The following TRIM49 variants were observed in gnomAD, a reference collection of about 807,000 sequenced individuals.
TRIM49 encodes tripartite motif containing 49, also known as tripartite motif-containing protein 49.
In TRIM49, 5 loss-of-function variants were observed where a neutral mutation model predicts 27.4. That is an observed-to-expected ratio of 0.18 (90% CI 0.10 to 0.38). The LOEUF (loss-of-function observed/expected upper bound fraction) is 0.38. TRIM49 is among the 10% of genes least tolerant of loss of function. The probability of loss-of-function intolerance (pLI) is 1.00; values close to 1 mark genes in which losing one functional copy is unlikely to be tolerated. For synonymous variants in TRIM49, 69 were observed against 166.0 expected (o/e 0.42, Z 4.49); for missense variants, 188 against 487.5 (o/e 0.39, Z 5.79).
chr11:89,786,714 C>CAG, the TRIM49 span: 1 of 136,466 alleles, frequency 7.3e-6, no homozygotes, highest in Non-Finnish European at 1.5e-5. Flanking sequence ...TGAAGACCAG[C>CAG]AGAGTCCCAG....
the TRIM49 span, among the ~76,000 whole-genome samples, chr11:89,779,990 A>G: frequency 1.0e-5 from 1 of 100,424 alleles, no homozygotes; most frequent in Non-Finnish European, 2.2e-5. Flanking sequence ...CATACCCCAC[A>G]GATCTTAATA....
the TRIM49 span, among the ~76,000 whole-genome samples, chr11:89,783,001 G>A: frequency 7.6e-6 from 1 of 131,828 alleles, no homozygotes; most frequent in Admixed American, 7.7e-5. Context: ...ATAAAGAAGT[G>A]TGCTTATTTT....
At chr11:89,776,941 G>A in the TRIM49 span, 2 of 1,517,896 alleles carry the variant, frequency 1.3e-6, no homozygotes, top group Non-Finnish European at 1.8e-6. Flanking sequence ...AAAAATAAGA[G>A]AAAGAAATTC....
In TRIM49 at chr11:89,798,159, T is replaced by C; in HGVS notation, c.1330A>G (p.Arg444Gly). 6.8e-7 allele frequency: 1 copy of C among 1,475,404 alleles called. No homozygotes were observed. Among genetic ancestry groups the C allele is most frequent in the South Asian group, 1.2e-5 (1 of 84,230 alleles). The allele number at this position is 1,475,404 out of a possible 1,614,324, so 91.4% of individuals were successfully genotyped here. ...IPNCSFSPPLRPIFCCIHF is the reference protein window; with the variant it reads ...IPNCSFSPPLGPIFCCIHF ...AAGTGAATACAGCAAAAGATAGGCC[T>C]GAGAGGAGGTGAGAAAGAGCAATTA... is the stretch of plus-strand genomic sequence containing the variant. The change falls in exon 8 of 8, where the codon AGG becomes GGG. Residue 444 changes from arginine to glycine, a missense_variant. Around this residue, in one of 6 missense-constraint regions of TRIM49, gnomAD observed 10 missense variants for 49.9 expected, o/e 0.20. Coordinates refer to ENST00000329758, the MANE Select transcript of TRIM49 (RefSeq NM_020358.2).
chr11:89,796,153 T>G (rs1183843354), downstream of TRIM49, among the ~76,000 whole-genome samples: 1 of 152,052 alleles, frequency 6.6e-6, no homozygotes, highest in Non-Finnish European at 1.5e-5. Context: ...CCCAGCTTTC[T>G]CAGTTATTTT....
downstream of TRIM49, among the ~76,000 whole-genome samples, chr11:89,793,867 A>G (rs1429184699): frequency 6.6e-6 from 1 of 151,974 alleles, no homozygotes; most frequent in Non-Finnish European, 1.5e-5. Flanking sequence ...TATCCAACAC[A>G]GTTTTGGAAG....
At chr11:89,789,764 A>G in the TRIM49 span, 3 of 152,020 alleles carry the variant, frequency 2.0e-5, no homozygotes, top group Non-Finnish European at 2.9e-5. Context: ...AAATCATTTA[A>G]AAATCAAACT....
At chr11:89,767,669 C>T in the TRIM49 span, among the ~76,000 whole-genome samples, 1 of 125,872 alleles carries the variant, frequency 7.9e-6, no homozygotes, top group Non-Finnish European at 1.5e-5. Flanking sequence ...AAGGCCTCAT[C>T]AACCACCAAA....
At chr11:89,791,722 C>G in the TRIM49 span, among the ~76,000 whole-genome samples, 1 of 152,168 alleles carries the variant, frequency 6.6e-6, no homozygotes. Context: ...CAGGCCTGCC[C>G]TAAAAGAGCT....
the TRIM49 span, among the ~76,000 whole-genome samples, chr11:89,784,632 G>C: frequency 7.1e-6 from 1 of 140,376 alleles, no homozygotes; most frequent in East Asian, 2.2e-4. Context: ...TCCTTTTTTT[G>C]ATTTTCTCCT....
chr11:89,777,575 G>C, the TRIM49 span, among the ~76,000 whole-genome samples: 1 of 145,302 alleles, frequency 6.9e-6, no homozygotes, highest in Non-Finnish European at 1.5e-5. Context: ...GCTGTGTTGA[G>C]ACTTCGCTAA....
the TRIM49 span, among the ~76,000 whole-genome samples, chr11:89,783,836 C>T: frequency 9.0e-5 from 13 of 144,128 alleles, no homozygotes; most frequent in Non-Finnish European, 1.6e-4. Context: ...ATTTCTCTCA[C>T]ATGTTTGTAC....
At chr11:89,772,230 T>C in the TRIM49 span, among the ~76,000 whole-genome samples, 1 of 138,210 alleles carries the variant, frequency 7.2e-6, no homozygotes, top group East Asian at 2.0e-4. Flanking sequence ...CTAACTTTAT[T>C]GTAAAAATAC....
At chr11:89,777,532 A>G in the TRIM49 span, 3 of 1,272,092 alleles carry the variant, frequency 2.4e-6, no homozygotes, top group East Asian at 2.6e-5. Flanking sequence ...GTGTCCTTTC[A>G]ATGTTGCTGG....
intron 1 of TRIM49, among the ~76,000 whole-genome samples, chr11:89,808,201 T>C (rs566919287): frequency 7.5e-6 from 1 of 133,968 alleles, no homozygotes; most frequent in East Asian, 2.2e-4. Context: ...TTTTTGTTGT[T>C]ATATGAAAAT....
chr11:89,787,517 C>T, the TRIM49 span: 14 of 515,260 alleles, frequency 2.7e-5, no homozygotes, highest in African/African-American at 1.9e-4. Flanking sequence ...CGGCCTCCCA[C>T]CTGCCCCGCT....
chr11:89,793,188 A>C (rs1431987816), downstream of TRIM49, among the ~76,000 whole-genome samples: 25 of 152,170 alleles, frequency 1.6e-4, no homozygotes, highest in Non-Finnish European at 2.9e-4. Context: ...ACCAGGAAGA[A>C]GTTGAATCCC....
the TRIM49 span, chr11:89,768,051 T>C: frequency 2.1e-6 from 1 of 485,070 alleles, no homozygotes; most frequent in South Asian, 2.2e-5. Context: ...TTGAGGATAG[T>C]GAAACTATAA....
At chr11:89,790,385 G>A in the TRIM49 span, among the ~76,000 whole-genome samples, 8 of 149,366 alleles carry the variant, frequency 5.4e-5, no homozygotes, top group Non-Finnish European at 1.5e-5. Flanking sequence ...AAATGTCCCT[G>A]TCTGACAGCT....
Sources: gnomAD v4.1 joint callset for allele counts (sites outside exome capture counted in the v4.1 genomes callset) on GRCh38, gnomAD v4.1.1 for gene constraint, gnomAD v4.1.1 regional missense constraint, MANE v1.5 for transcripts, NCBI Gene and HGNC (gene_info 2026-07-23, HGNC 2026-07-21) for gene names.